MINDY1: variants seen among roughly 807,000 people sequenced by gnomAD.
The protein encoded by MINDY1 is ubiquitin carboxyl-terminal hydrolase MINDY-1.
Under a neutral mutation model 53.6 loss-of-function variants are expected in MINDY1, and 50 were observed. The observed-to-expected ratio is 0.93, with a 90% CI of 0.74 to 1.18. MINDY1 has a LOEUF of 1.18. MINDY1 is among the 50% of genes most tolerant of loss of function. MINDY1 has a pLI of 0.00. For synonymous variants in MINDY1, 231 were observed against 234.7 expected (o/e 0.98, Z 0.14); for missense variants, 484 against 578.6 (o/e 0.84, Z 1.68).
chr1:151,001,268 A>C lies in MINDY1; in HGVS notation c.558T>G (p.Leu186=), dbSNP rs1672536262. 2 of 1,614,046 alleles carry C rather than the reference A, an allele frequency of 1.2e-6. No homozygotes were observed. The highest frequency in any genetic ancestry group is 2.7e-5 in the African/African-American group (2 of 74,918). The stretch of plus-strand genomic sequence containing the variant: ...GCCTCACCTGCTGAAAATTAAGCTG[A>C]AGTCCCTCTGACTTCTCCTGGGGCT... ...SIKPQEKSEG[L]QLNFQQNVDD... The change falls in exon 4 of 10, where the codon CTT becomes CTG. Residue 186 remains leucine (L), a synonymous_variant. Coordinates refer to ENST00000683666, the MANE Select transcript of MINDY1 (RefSeq NM_001376665.1).
upstream of MINDY1, among the ~76,000 whole-genome samples, chr1:151,008,036 A>C (rs1221263503): frequency 2.0e-5 from 3 of 152,224 alleles, no homozygotes; most frequent in Non-Finnish European, 4.4e-5. Flanking sequence ...AGATTATTCT[A>C]ATGTTCTCCT....
At position 150,997,053 on chromosome 1, in the gene MINDY1, T is replaced by C. The variant is rs879864911; in HGVS notation, c.*234A>G. On this transcript the variant is annotated 3_prime_UTR_variant, in exon 10 of 10. Transcript: ENST00000683666. ...GTGTGACTATTCAGGGACCGGGAGT[T>C]GAGAACCAGAAACCCACCAATCCTA... is the stretch of plus-strand genomic sequence containing the variant. 80 of 581,986 alleles carry C rather than the reference T, an allele frequency of 1.4e-4. No individual in the cohort carries two copies. Among genetic ancestry groups the C allele is most frequent in the Non-Finnish European group, 2.1e-4 (67 of 324,152 alleles). The allele number at this position is 581,986 out of a possible 1,614,324, so 36.1% of individuals were successfully genotyped here.
Position 150,999,730 on chromosome 1 carries a change from A to G in MINDY1, c.838+132T>C. 1.0e-6 allele frequency: 1 copy of G among 999,820 alleles called. No homozygotes were observed. The allele number at this position is 999,820 out of a possible 1,614,324, so 61.9% of individuals were successfully genotyped here. On this transcript the variant is annotated intron_variant, in intron 6 of 9. Transcript: ENST00000683666. This position sits in a 1 kb window ranked among gnomAD's most constrained non-coding sequence, Gnocchi z 4.4. ...GGGGATACCTCAATGAACTAAACAG[A>G]AATTCCCCAAGCTCCTTCTTGTGAA...
rs1672244038 is a variant in MINDY1, at chr1:150,999,236, T to C, written c.981+133A>G. ...ACCAGGAGCGGGAAATGAACCTTTG[T>C]TGTGGTAAACCACAGGGATTTGAGG... On this transcript the variant is annotated intron_variant, in intron 7 of 9. Coordinates refer to ENST00000683666, the MANE Select transcript of MINDY1 (RefSeq NM_001376665.1). This position sits in a 1 kb window ranked among gnomAD's most constrained non-coding sequence, Gnocchi z 4.4. 2.3e-5 allele frequency: 30 copies of C among 1,294,632 alleles called. No individual in the cohort carries two copies. Among genetic ancestry groups the C allele is most frequent in the Non-Finnish European group, 3.3e-5 (30 of 921,992 alleles). The allele number at this position is 1,294,632 out of a possible 1,614,324, so 80.2% of individuals were successfully genotyped here. A position where few individuals can be genotyped will look rare whatever the true frequency, so the allele number is the denominator to read the frequency against.
At position 151,002,113 on chromosome 1, in the gene MINDY1, G is replaced by A; in HGVS notation, c.453+52C>T. On this transcript the variant is annotated intron_variant, in intron 2 of 9. Transcript: ENST00000683666. The surrounding 1 kb of genome is among the most constrained non-coding windows in gnomAD (Gnocchi z 4.1). ...TCAGGATGATCAAGGAAGTAAGTCAGGGAAGAGTACTCCCTGATATTTTTT... is the reference window on the plus strand; with the variant it reads ...TCAGGATGATCAAGGAAGTAAGTCAAGGAAGAGTACTCCCTGATATTTTTT... 1 of 1,511,632 alleles carries A rather than the reference G, an allele frequency of 6.6e-7. No homozygotes were observed. The highest frequency in any genetic ancestry group is 2.3e-5 in the East Asian group (1 of 44,168). The allele number at this position is 1,511,632 out of a possible 1,614,324, so 93.6% of individuals were successfully genotyped here.
Position 150,999,361 on chromosome 1 carries a change from C to T in MINDY1, c.981+8G>A, listed in dbSNP as rs746845026. 5 of 1,613,954 alleles carry T rather than the reference C, an allele frequency of 3.1e-6. No individual in the cohort carries two copies. Among genetic ancestry groups the T allele is most frequent in the African/African-American group, 2.7e-5 (2 of 75,014 alleles). ...CACCGCAGCACGCCACCCCCAAACT[C>T]GCATTACCTTATGCTTAGTCATGGT... is the stretch of plus-strand genomic sequence containing the variant. On this transcript the variant is annotated splice_region_variant and intron_variant, in intron 7 of 9. Coordinates refer to ENST00000683666, the MANE Select transcript of MINDY1 (RefSeq NM_001376665.1). The surrounding 1 kb of genome is among the most constrained non-coding windows in gnomAD (Gnocchi z 4.4).
intron 3 of MINDY1, 70 bp downstream of exon 3, chr1:151,001,655 C>G: frequency 6.4e-7 from 1 of 1,572,760 alleles, no homozygotes; most frequent in Non-Finnish European, 8.7e-7. Flanking sequence ...CCTGAATAGT[C>G]TGGATTTCTG....
At chr1:150,998,965 C>T (rs905829648) in intron 7 of MINDY1, among the ~76,000 whole-genome samples, 3 of 152,188 alleles carry the variant, frequency 2.0e-5, no homozygotes, top group African/African-American at 7.2e-5. Context: ...ACTGCCCCCT[C>T]CTAGGGGAGG....
Position 151,002,196 on chromosome 1 carries a change from G to A in MINDY1, c.422C>T (p.Ala141Val). The A allele has an allele frequency of 1.9e-6, 3 of 1,612,476 alleles. No individual in the cohort carries two copies. The highest frequency in any genetic ancestry group is 1.7e-4 in the Middle Eastern group (1 of 6,052). The change falls in exon 2 of 10, where the codon GCC becomes GTC. Residue 141 changes from alanine to valine, a missense_variant. Ala to Val is a moderately conservative substitution (Grantham distance 64). Coordinates refer to ENST00000683666, the MANE Select transcript of MINDY1 (RefSeq NM_001376665.1). The surrounding 1 kb of genome is among the most constrained non-coding windows in gnomAD (Gnocchi z 4.1). ...CTGAAGAAAGAGGATGTTCATGATG[G>A]CAAGGAGAGGGCAAGGGCCGTTAGT... ...QSTNGPCPLL[A>V]IMNILFLQWK...
At position 151,000,453 on chromosome 1, in the gene MINDY1, T is replaced by C. The variant is rs766455637; in HGVS notation, c.735+4A>G. Reference sequence around the variant, plus strand: ...AAGGTCCCAGTGGGCCCTCCCACCCTCACCTGTGGATCAACAAGCCAGCCA... The same window carrying C: ...AAGGTCCCAGTGGGCCCTCCCACCCCCACCTGTGGATCAACAAGCCAGCCA... On this transcript the variant is annotated splice_donor_region_variant and intron_variant, in intron 5 of 9. Transcript: ENST00000683666. The C allele has an allele frequency of 8.8e-6, 14 of 1,597,550 alleles. No homozygotes were observed. Among genetic ancestry groups the C allele is most frequent in the Middle Eastern group, 1.8e-4 (1 of 5,434 alleles).
upstream of MINDY1, among the ~76,000 whole-genome samples, chr1:151,007,738 C>T (rs779595036): frequency 1.2e-4 from 19 of 152,300 alleles, no homozygotes; most frequent in South Asian, 1.9e-3. Context: ...CACTACTCTG[C>T]GGCTGGAAAG....
intron 5 of MINDY1, 120 bp from the exon 6 acceptor site, chr1:151,000,084 T>C (rs1435071168): frequency 1.5e-5 from 3 of 203,104 alleles, no homozygotes; most frequent in Non-Finnish European, 1.6e-5. Context: ...TCCTAAACAC[T>C]TTTTTTTTTT....
rs1393400024 is a variant in MINDY1 at position 151,006,717 on chromosome 1, G to A, written c.-495C>T. 1 of 985,536 alleles carries A rather than the reference G, an allele frequency of 1.0e-6. No homozygotes were observed. The highest frequency in any genetic ancestry group is 1.7e-5 in the African/African-American group (1 of 57,348). The allele number at this position is 985,536 out of a possible 1,614,324, so 61.0% of individuals were successfully genotyped here. ...TCTCATCAGGACGAAGAAAAATTAG[G>A]CAAGGACAAGCTCCCTGGAGGAGGA... On this transcript the variant is annotated 5_prime_UTR_variant, in exon 1 of 10. Transcript: ENST00000683666.
upstream of MINDY1, chr1:151,008,275 T>A: frequency 3.3e-6 from 4 of 1,226,854 alleles, no homozygotes; most frequent in Non-Finnish European, 4.1e-6. Context: ...GACTGATCCC[T>A]CAGAAAACAA....
chr1:151,000,989 TTATGTTG>T, intron 4 of MINDY1, among the ~76,000 whole-genome samples: 1 of 152,044 alleles, frequency 6.6e-6, no homozygotes, highest in South Asian at 2.1e-4. Context: ...AGGGGTATTA[TTATGTTG>T]CCCAGGCTGG....
Position 150,997,793 on chromosome 1 carries a change from G to C in MINDY1, c.1174-14C>G. On this transcript the variant is annotated splice_polypyrimidine_tract_variant and intron_variant, in intron 8 of 9. Transcript: ENST00000683666. Reference sequence around the variant, plus strand: ...AATCAGGTAGTCCTGGGGAGAACAAGAGTTGTGCAGTGGGCTGAGGCCCAG... The same window carrying C: ...AATCAGGTAGTCCTGGGGAGAACAACAGTTGTGCAGTGGGCTGAGGCCCAG... 1 of 1,604,820 alleles carries C rather than the reference G, an allele frequency of 6.2e-7. No homozygotes were observed. The highest frequency in any genetic ancestry group is 8.5e-7 in the Non-Finnish European group (1 of 1,173,450).
Position 150,999,609 on chromosome 1 carries a change from T to G in MINDY1, c.839-98A>C. The stretch of plus-strand genomic sequence containing the variant: ...AGCCCCTGTCAAAAGCCCCGGGGGG[T>G]CAGTCCCACCTTCTGACGTCCCTTT... On this transcript the variant is annotated intron_variant, in intron 6 of 9. Coordinates refer to ENST00000683666, the MANE Select transcript of MINDY1 (RefSeq NM_001376665.1). This position sits in a 1 kb window ranked among gnomAD's most constrained non-coding sequence, Gnocchi z 4.4. 6.7e-7 allele frequency: 1 copy of G among 1,498,936 alleles called. No individual in the cohort carries two copies. The highest frequency in any genetic ancestry group is 9.1e-7 in the Non-Finnish European group (1 of 1,102,428). The allele number at this position is 1,498,936 out of a possible 1,614,324, so 92.9% of individuals were successfully genotyped here.
chr1:151,002,797 G>A lies in MINDY1; in HGVS notation c.-89-91C>T, dbSNP rs1672736115. On this transcript the variant is annotated intron_variant, in intron 1 of 9. Coordinates refer to ENST00000683666, the MANE Select transcript of MINDY1 (RefSeq NM_001376665.1). The surrounding 1 kb of genome is among the most constrained non-coding windows in gnomAD (Gnocchi z 4.1). ...AATGTAGTGTAGAAGGCTGGCTAGT[G>A]TTTGTGCAGTAACTCCTGGCTATGG... The A allele has an allele frequency of 4.1e-6, 6 of 1,467,348 alleles. No individual in the cohort carries two copies. The highest frequency in any genetic ancestry group is 5.4e-6 in the Non-Finnish European group (6 of 1,109,790). The allele number at this position is 1,467,348 out of a possible 1,614,324, so 90.9% of individuals were successfully genotyped here.
chr1:151,006,691 T>G lies in MINDY1; in HGVS notation c.-469A>C, dbSNP rs1673262551. ...TCTTTTCTTCTCTCTCTCTTTTTTG[T>G]TCTCATCAGGACGAAGAAAAATTAG... On this transcript the variant is annotated 5_prime_UTR_variant, in exon 1 of 10. Transcript: ENST00000683666. The G allele has an allele frequency of 3.2e-5, 32 of 985,870 alleles. No homozygotes were observed. Among genetic ancestry groups the G allele is most frequent in the Non-Finnish European group, 3.9e-5 (32 of 830,324 alleles). The allele number at this position is 985,870 out of a possible 1,614,324, so 61.1% of individuals were successfully genotyped here.
Sources: gnomAD v4.1 joint callset for allele counts (sites outside exome capture counted in the v4.1 genomes callset) on GRCh38, gnomAD v4.1.1 for gene constraint, Gnocchi (gnomAD v3.1) non-coding constraint, MANE v1.5 for transcripts, NCBI Gene and HGNC (gene_info 2026-07-23, HGNC 2026-07-21) for gene names.